Variants in SRGAP1 observed in about 807,000 individuals in gnomAD.
The protein encoded by SRGAP1 is SLIT-ROBO Rho GTPase activating protein 1, also known as SLIT-ROBO Rho GTPase-activating protein 1.
A neutral mutation model predicts 121.9 loss-of-function variants in SRGAP1; 43 were observed. The ratio of observed to expected loss-of-function variants is 0.35; its 90% CI spans 0.28 to 0.46. SRGAP1 has a LOEUF of 0.46. Ranked by LOEUF, SRGAP1 falls within the 20% of genes least tolerant of loss-of-function variation. The probability of loss-of-function intolerance (pLI) is 1.00; values close to 1 mark genes in which losing one functional copy is unlikely to be tolerated. For synonymous variants in SRGAP1, 447 were observed against 485.4 expected (o/e 0.92, Z 1.04); for missense variants, 1,102 against 1,350.9 (o/e 0.82, Z 2.89).
intron 18 of SRGAP1, among the ~76,000 whole-genome samples, chr12:64,121,499 C>T (rs1406067377): frequency 3.3e-5 from 5 of 152,156 alleles, no homozygotes; most frequent in Non-Finnish European, 7.3e-5. Flanking sequence ...AAGCAGTCCT[C>T]CTGCCTCAGC....
intron 1 of SRGAP1, among the ~76,000 whole-genome samples, chr12:63,952,941 G>C (rs1565966757): frequency 1.3e-5 from 2 of 152,008 alleles, no homozygotes; most frequent in Non-Finnish European, 2.9e-5. Flanking sequence ...TCACTGTACC[G>C]GGCCAGGTGC....
chr12:63,872,793 A>T (rs1899898464), intron 1 of SRGAP1, among the ~76,000 whole-genome samples: 1 of 152,150 alleles, frequency 6.6e-6, no homozygotes, highest in East Asian at 1.9e-4. Flanking sequence ...TTTGTGGTTT[A>T]TATCCTGGTT....
intron 1 of SRGAP1, among the ~76,000 whole-genome samples, chr12:63,960,509 C>G (rs977775430): frequency 2.0e-5 from 3 of 152,032 alleles, no homozygotes; most frequent in Non-Finnish European, 2.9e-5. Context: ...GATGAAAATC[C>G]TTCTCTGGCT....
At chr12:63,870,897 T>C (rs1899830029) in intron 1 of SRGAP1, among the ~76,000 whole-genome samples, 1 of 152,196 alleles carries the variant, frequency 6.6e-6, no homozygotes, top group Admixed American at 6.5e-5. Flanking sequence ...AGCTTGATTT[T>C]CTTGGGAAAG....
intron 1 of SRGAP1, among the ~76,000 whole-genome samples, chr12:63,866,360 G>GT (rs1420907575): frequency 6.6e-6 from 1 of 152,180 alleles, no homozygotes; most frequent in Non-Finnish European, 1.5e-5. Context: ...GATATTGTGA[G>GT]TTGTCTCCAC....
intron 21 of SRGAP1, among the ~76,000 whole-genome samples, chr12:64,138,848 T>C (rs1322329903): frequency 2.6e-5 from 4 of 152,200 alleles, no homozygotes; most frequent in South Asian, 4.1e-4. Context: ...ATTCAGTTAA[T>C]TGAGTTAACT....
chr12:64,101,398 C>A (rs2036254236), intron 15 of SRGAP1, among the ~76,000 whole-genome samples: 2 of 150,326 alleles, frequency 1.3e-5, no homozygotes, highest in South Asian at 4.2e-4. Context: ...CCTGAGTGAC[C>A]ACGTTCTTTG....
chr12:63,937,268 A>G (rs1056930710), intron 1 of SRGAP1, among the ~76,000 whole-genome samples: 3 of 152,180 alleles, frequency 2.0e-5, no homozygotes, highest in Non-Finnish European at 4.4e-5. Context: ...AAAAACTGGG[A>G]TGTTGCTGAC....
chr12:63,991,331 T>C (rs2033551756), intron 3 of SRGAP1, among the ~76,000 whole-genome samples: 1 of 152,206 alleles, frequency 6.6e-6, no homozygotes, highest in African/African-American at 2.4e-5. Flanking sequence ...AGACATAGTG[T>C]TAAGCAGGCC....
chr12:64,160,040 A>G lies in SRGAP1; in HGVS notation c.*17368A>G, dbSNP rs182101206. Reference sequence around the variant, plus strand: ...AAATTCCTTCTCAAAAATCTTTTACAGAAGTGTTCTCAAACTCAATGCATT... The same window carrying G: ...AAATTCCTTCTCAAAAATCTTTTACGGAAGTGTTCTCAAACTCAATGCATT... On this transcript the variant is annotated 3_prime_UTR_variant, in exon 22 of 22. Transcript: ENST00000355086. 6.6e-6 allele frequency: 1 copy of G among 152,364 alleles called. No individual in the cohort carries two copies. Among genetic ancestry groups the G allele is most frequent in the African/African-American group, 2.4e-5 (1 of 41,594 alleles). 9.4% of individuals were successfully genotyped at this position (152,364 alleles called of 1,614,324 possible). A position where few individuals can be genotyped will look rare whatever the true frequency, so the allele number is the denominator to read the frequency against.
chr12:63,939,530 T>C (rs2031787991), intron 1 of SRGAP1, among the ~76,000 whole-genome samples: 1 of 152,084 alleles, frequency 6.6e-6, no homozygotes, highest in South Asian at 2.1e-4. Flanking sequence ...CCAGGGAAGC[T>C]AGAAAAGAGA....
intron 1 of SRGAP1, among the ~76,000 whole-genome samples, chr12:63,960,277 A>T (rs2136378242): frequency 6.6e-6 from 1 of 152,286 alleles, no homozygotes; most frequent in Admixed American, 6.5e-5. Context: ...ATCCTTTCAG[A>T]CTGAGGGTTC....
intron 1 of SRGAP1, among the ~76,000 whole-genome samples, chr12:63,931,225 T>G (rs543167933): frequency 6.6e-6 from 1 of 152,344 alleles, no homozygotes; most frequent in South Asian, 2.1e-4. Flanking sequence ...AGCGATACAG[T>G]ACAGTGGAGT....
rs780449158 is a variant in SRGAP1, at chr12:64,063,051, G to T, written c.936G>T (p.Arg312Ser). Residue 312 changes from arginine to serine, a missense_variant, in exon 7 of 22, where the codon AGG (arginine) becomes AGT (serine). By Grantham distance (110) the Arg-to-Ser change is moderately radical (BLOSUM62 -1). This residue lies in a region of SRGAP1 where 747 missense variants were observed against 929.4 expected (regional missense o/e 0.80). Transcript: ENST00000355086. ...IENAVDNLEP[R>S]SDKQRFMEMY... ...ATGCAGTTGATAATTTAGAGCCCAGGAGCGATAAGCAGAGATTCATGGAGA... is the reference window on the plus strand; with the variant it reads ...ATGCAGTTGATAATTTAGAGCCCAGTAGCGATAAGCAGAGATTCATGGAGA... The T allele has an allele frequency of 1.2e-6, 2 of 1,613,952 alleles. No homozygotes were observed. The highest frequency in any genetic ancestry group is 1.3e-5 in the African/African-American group (1 of 74,912).
chr12:63,988,867 G>A (rs377234960), intron 2 of SRGAP1, among the ~76,000 whole-genome samples: 7 of 152,168 alleles, frequency 4.6e-5, no homozygotes, highest in South Asian at 2.1e-4. Context: ...CTGGAGTGCA[G>A]TGGCACAATC....
intron 1 of SRGAP1, among the ~76,000 whole-genome samples, chr12:63,962,668 G>A (rs922710841): frequency 6.6e-5 from 10 of 152,192 alleles, no homozygotes; most frequent in East Asian, 3.9e-4. Flanking sequence ...TTGACCTCCC[G>A]AAGTGCTGGG....
chr12:63,969,719 G>A (rs1309652797), intron 1 of SRGAP1, among the ~76,000 whole-genome samples: 2 of 151,874 alleles, frequency 1.3e-5, no homozygotes, highest in African/African-American at 2.4e-5. Context: ...GCGTGAACCC[G>A]GGAGGCAGAG....
chr12:64,036,745 T>C (rs1019860932), intron 4 of SRGAP1, among the ~76,000 whole-genome samples: 1 of 152,230 alleles, frequency 6.6e-6, no homozygotes, highest in African/African-American at 2.4e-5. Context: ...AAAAGAACAA[T>C]GCCAGATGCA....
Position 63,948,924 on chromosome 12 carries a change from A to T in SRGAP1, c.68-35023A>T, listed in dbSNP as rs1407305978. The stretch of plus-strand genomic sequence containing the variant: ...ATATATATATTTTCCATATATATAT[A>T]TTCCATATATATATTTTCCATATAT... On this transcript the variant is annotated intron_variant, in intron 1 of 21. Transcript: ENST00000355086. Among the ~76,000 whole-genome samples the T allele has an allele frequency of 1.9e-4, 14 of 73,060 alleles. 1 individual carries two copies. The highest frequency in any genetic ancestry group is 6.7e-4 in the African/African-American group (14 of 20,814). 47.9% of individuals were successfully genotyped at this position (73,060 alleles called of 152,430 possible).
Sources: allele counts gnomAD v4.1 joint callset (sites outside exome capture counted in the v4.1 genomes callset), GRCh38; gene constraint gnomAD v4.1.1; regional missense constraint gnomAD v4.1.1; transcripts MANE v1.5; gene names NCBI Gene and HGNC (gene_info 2026-07-23, HGNC 2026-07-21).